POLR2F: variants seen among roughly 807,000 people sequenced by gnomAD.
The protein encoded by POLR2F is RNA polymerase II, I and III subunit F, also known as DNA-directed RNA polymerases I, II, and III subunit RPABC2.
A neutral mutation model predicts 22.7 loss-of-function variants in POLR2F; 12 were observed. The observed-to-expected ratio is 0.53, with a 90% CI of 0.34 to 0.86. The LOEUF (loss-of-function observed/expected upper bound fraction) is 0.86. Ranked by LOEUF, POLR2F falls within the 40% of genes least tolerant of loss-of-function variation. POLR2F has a pLI of 0.02. For synonymous variants in POLR2F, 57 were observed against 66.0 expected, an observed-to-expected ratio of 0.86 and a Z score of 0.66; for missense variants, 126 against 171.5, an observed-to-expected ratio of 0.73 and a Z score of 1.48.
At chr22:37,979,825 C>T (rs909907691) in intron 4 of POLR2F, among the ~76,000 whole-genome samples, 6 of 152,034 alleles carry the variant, frequency 3.9e-5, no homozygotes, top group African/African-American at 1.5e-4. Flanking sequence ...AATCCCAGAC[C>T]TTGGTACTGA....
At chr22:37,960,956 C>T (rs528416335) in intron 3 of POLR2F, among the ~76,000 whole-genome samples, 2 of 150,534 alleles carry the variant, frequency 1.3e-5, no homozygotes, top group Admixed American at 1.3e-4. Context: ...TCACGCCATT[C>T]TCCTGCCTCA....
intron 1 of POLR2F, among the ~76,000 whole-genome samples, chr22:38,008,968 G>A (rs1459114064): frequency 6.6e-6 from 1 of 152,216 alleles, no homozygotes; most frequent in Non-Finnish European, 1.5e-5. Context: ...AGGGGACAGT[G>A]ATGGAGGGGC....
At chr22:37,959,977 T>C (rs543338362) in intron 3 of POLR2F, among the ~76,000 whole-genome samples, 2 of 151,930 alleles carry the variant, frequency 1.3e-5, no homozygotes, top group East Asian at 1.9e-4. Flanking sequence ...CTAATTGTTG[T>C]GTTTTTAATA....
At position 37,986,536 on chromosome 22, in the gene POLR2F, G is replaced by T; in HGVS notation, c.120+224G>T. ...GCCCTCCTTGGTCCAGCTGTGCCAG[G>T]ATGGGGGTGGGGGTAGCAGTGGGCA... On this transcript the variant is annotated intron_variant, in intron 1 of 2. Transcript: ENST00000333418. The surrounding 1 kb of genome is among the most constrained non-coding windows in gnomAD (Gnocchi z 4.7). 2 of 1,099,578 alleles carry T rather than the reference G, an allele frequency of 1.8e-6. No homozygotes were observed. Among genetic ancestry groups the T allele is most frequent in the Non-Finnish European group, 2.7e-6 (2 of 748,980 alleles). 68.1% of individuals were successfully genotyped at this position (1,099,578 alleles called of 1,614,324 possible).
rs1932163835 is a variant in POLR2F, at chr22:37,974,404, G to A, written c.293+7234G>A. ...TTTCGCTCTTGTTGCCCAGACTGGA[G>A]TGCAGTGGCGCCATCTCGGCTCACT... On this transcript the variant is annotated intron_variant, in intron 4 of 4. Coordinates refer to the POLR2F transcript ENST00000405557. This position sits in a 1 kb window ranked among gnomAD's most constrained non-coding sequence, Gnocchi z 5.4. 6.6e-6 allele frequency among the ~76,000 whole-genome samples: 1 copy of A among 151,036 alleles called. No homozygotes were observed. The highest frequency in any genetic ancestry group is 6.6e-5 in the Admixed American group (1 of 15,188).
At chr22:38,036,822 C>T (rs1230260241) in intron 5 of POLR2F, among the ~76,000 whole-genome samples, 1 of 152,054 alleles carries the variant, frequency 6.6e-6, no homozygotes, top group Non-Finnish European at 1.5e-5. Flanking sequence ...TTCCCACACA[C>T]TGGCCTCCTG....
upstream of POLR2F, chr22:37,986,065 C>A (rs1032439250): frequency 5.2e-6 from 7 of 1,346,206 alleles, no homozygotes; most frequent in African/African-American, 7.5e-5. The surrounding 1 kb of genome is among the most constrained non-coding windows in gnomAD (Gnocchi z 4.7). Context: ...TTGTTCGGGG[C>A]CTTGAAACAG....
intron 1 of POLR2F, among the ~76,000 whole-genome samples, chr22:37,999,570 G>C (rs2084749900): frequency 6.6e-6 from 1 of 152,066 alleles, no homozygotes; most frequent in Admixed American, 6.5e-5. Flanking sequence ...ATCTGCACCT[G>C]GGCGTCCTGA....
intron 1 of POLR2F, among the ~76,000 whole-genome samples, chr22:38,023,609 C>T (rs1033361817): frequency 3.3e-5 from 5 of 152,092 alleles, no homozygotes; most frequent in Non-Finnish European, 7.4e-5. Context: ...ACTGTATGCC[C>T]ATTAAACACT....
chr22:38,019,780 G>A (rs2084944475), intron 1 of POLR2F, among the ~76,000 whole-genome samples: 1 of 152,222 alleles, frequency 6.6e-6, no homozygotes, highest in African/African-American at 2.4e-5. Flanking sequence ...TTTGGGAGAT[G>A]GAGGCAGGTG....
chr22:37,965,933 G>A (rs1318707656), intron 3 of POLR2F, among the ~76,000 whole-genome samples: 1 of 152,180 alleles, frequency 6.6e-6, no homozygotes, highest in African/African-American at 2.4e-5. Flanking sequence ...GAGGAGATGG[G>A]CCTAGAATTG....
rs942829230 is a variant in POLR2F, at chr22:37,959,372, C to T, written c.117C>T (p.Leu39=). ...EEEGQENVEI[L]PSGERPQANQ... ...AAGGCCAGGAGAATGTCGAGATCCT[C>T]CCCTCTGGGGAGCGACCGCAGGCCA... The change falls in exon 3 of 5, where the codon CTC becomes CTT. Residue 39 remains leucine (L), a synonymous_variant. Transcript: ENST00000442738. 3.1e-6 allele frequency: 5 copies of T among 1,614,050 alleles called. No individual in the cohort carries two copies. The highest frequency in any genetic ancestry group is 4.2e-6 in the Non-Finnish European group (5 of 1,179,956).
At chr22:38,000,093 G>T (rs921616899) in intron 1 of POLR2F, among the ~76,000 whole-genome samples, 1 of 152,180 alleles carries the variant, frequency 6.6e-6, no homozygotes, top group East Asian at 1.9e-4. Context: ...TCCATATCTG[G>T]TGACTCATCC....
At chr22:37,986,163 G>A (rs536149133), upstream of POLR2F, 5 of 1,535,360 alleles carry the variant, frequency 3.3e-6, no homozygotes, top group Admixed American at 2.0e-5. This position sits in a 1 kb window ranked among gnomAD's most constrained non-coding sequence, Gnocchi z 4.7. Context: ...GCGCCCGCTC[G>A]GCCTCAGAAC....
In POLR2F at chr22:37,978,271, CG is replaced by C; in HGVS notation, c.293+11105del. 1 of 926,514 alleles carries C rather than the reference CG, an allele frequency of 1.1e-6. No individual in the cohort carries two copies. Among genetic ancestry groups the C allele is most frequent in the Non-Finnish European group, 1.6e-6 (1 of 639,240 alleles). The allele number at this position is 926,514 out of a possible 1,614,324, so 57.4% of individuals were successfully genotyped here. On this transcript the variant is annotated intron_variant, in intron 4 of 4. Coordinates refer to the POLR2F transcript ENST00000405557. The surrounding 1 kb of genome is among the most constrained non-coding windows in gnomAD (Gnocchi z 5.0). ...GATGGGGCACCCAGAGGACAGGACCCGGGGTGGGGGCTGTGCCCTATGATTT... is the reference window on the plus strand; with the variant it reads ...GATGGGGCACCCAGAGGACAGGACCCGGGTGGGGGCTGTGCCCTATGATTT...
intron 1 of POLR2F, among the ~76,000 whole-genome samples, chr22:38,006,193 G>A (rs1183500707): frequency 1.3e-5 from 2 of 152,134 alleles, no homozygotes; most frequent in African/African-American, 2.4e-5. Context: ...GGGCAAGAGA[G>A]TGAGACCCCA....
chr22:38,025,453 C>G, intron 1 of POLR2F: 2 of 1,323,680 alleles, frequency 1.5e-6, no homozygotes, highest in Non-Finnish European at 2.0e-6. Flanking sequence ...GATTCATATA[C>G]ACACACGTAC....
At chr22:38,006,653 C>T (rs977523822) in intron 1 of POLR2F, among the ~76,000 whole-genome samples, 2 of 152,180 alleles carry the variant, frequency 1.3e-5, no homozygotes, top group African/African-American at 4.8e-5. Flanking sequence ...CTTTTCCATC[C>T]TACCTGGTCC....
Position 38,017,738 on chromosome 22 carries a change from C to T in POLR2F, c.121-8131C>T, listed in dbSNP as rs1601910119. Among the ~76,000 whole-genome samples, 1 of 152,216 alleles carries T rather than the reference C, an allele frequency of 6.6e-6. No individual in the cohort carries two copies. ...AAGTCACCCGCCCCCGCTGGCACAG[C>T]TCCAGTGACATGGAGCTCACTCCTC... On this transcript the variant is annotated intron_variant, in intron 1 of 2. Transcript: ENST00000333418. This position sits in a 1 kb window ranked among gnomAD's most constrained non-coding sequence, Gnocchi z 4.1.
Sources: gnomAD v4.1 joint callset for allele counts (sites outside exome capture counted in the v4.1 genomes callset) on GRCh38, gnomAD v4.1.1 for gene constraint, Gnocchi (gnomAD v3.1) non-coding constraint, MANE v1.5 for transcripts, NCBI Gene and HGNC (gene_info 2026-07-23, HGNC 2026-07-21) for gene names.